F11R: variants seen among roughly 807,000 people sequenced by gnomAD.
The protein encoded by F11R is F11 receptor, also known as junctional adhesion molecule A.
F11R carries 27 observed loss-of-function variants against 39.3 expected under a neutral mutation model. That is an observed-to-expected ratio of 0.69 (90% CI 0.51 to 0.95). The LOEUF (loss-of-function observed/expected upper bound fraction) is 0.95. Among genes scored for constraint, F11R ranks in the 40% least tolerant of loss-of-function variants. The pLI, the probability that F11R is intolerant of heterozygous loss-of-function variation, is 0.00. For missense variants in F11R, 335 were observed against 372.7 expected (o/e 0.90, Z 0.83); for synonymous variants, 131 against 144.9 (o/e 0.90, Z 0.69).
In F11R at chr1:161,000,356, A is replaced by C; in HGVS notation, c.389-8T>G. 1 of 1,612,976 alleles carries C rather than the reference A, an allele frequency of 6.2e-7. No individual in the cohort carries two copies. Among genetic ancestry groups the C allele is most frequent in the Non-Finnish European group, 8.5e-7 (1 of 1,179,798 alleles). On this transcript the variant is annotated splice_region_variant and splice_polypyrimidine_tract_variant and intron_variant, in intron 4 of 9. Transcript: ENST00000368026. The stretch of plus-strand genomic sequence containing the variant: ...TAGGCTTGGATGGAGGCACTGTGGA[A>C]GAGAAAGACAGAAGGTGCTGAGTAC...
Position 161,020,894 on chromosome 1 carries a change from A to C in F11R, c.64+116T>G. On this transcript the variant is annotated intron_variant, in intron 1 of 9. Coordinates refer to ENST00000368026, the MANE Select transcript of F11R (RefSeq NM_016946.6). Reference sequence around the variant, plus strand: ...CAGGGGTGGAAAAGATAATTCGCAGAACGATATAGGAAGGTTTCTGAGCTC... The same window carrying C: ...CAGGGGTGGAAAAGATAATTCGCAGCACGATATAGGAAGGTTTCTGAGCTC... The C allele has an allele frequency of 3.3e-6, 3 of 896,876 alleles. No individual in the cohort carries two copies. The Admixed American group carries it at 5.7e-5, about 17-fold the overall frequency. The allele number at this position is 896,876 out of a possible 1,614,324, so 55.6% of individuals were successfully genotyped here.
At chr1:161,016,656 CAA>C (rs773532935) in intron 1 of F11R, among the ~76,000 whole-genome samples, 2 of 129,986 alleles carry the variant, frequency 1.5e-5, no homozygotes, top group African/African-American at 2.9e-5. Flanking sequence ...GACTCCGTCT[CAA>C]AAAAAAAAAA....
chr1:161,001,261 C>A, intron 2 of F11R, 24 bp downstream of exon 2: 2 of 1,613,082 alleles, frequency 1.2e-6, no homozygotes, highest in Non-Finnish European at 1.7e-6. Context: ...ACCCTCACAC[C>A]CTCCATGGCC....
intron 1 of F11R, among the ~76,000 whole-genome samples, chr1:161,016,430 C>T (rs1649469493): frequency 1.3e-5 from 2 of 151,728 alleles, no homozygotes; most frequent in Non-Finnish European, 2.9e-5. Flanking sequence ...GAGCCGAGAT[C>T]GTGCCACTGT....
In F11R at chr1:161,015,254, C is replaced by T. The variant is rs570784178; in HGVS notation, c.64+5756G>A. On this transcript the variant is annotated intron_variant, in intron 1 of 9. Coordinates refer to ENST00000368026, the MANE Select transcript of F11R (RefSeq NM_016946.6). ...TACTAAAAAAAATACAAAAAATCAG[C>T]CGGAGTGGTGGCGGGCCCCTGTAGT... Among the ~76,000 whole-genome samples the T allele has an allele frequency of 1.4e-4, 19 of 133,404 alleles. No individual in the cohort carries two copies. In the East Asian group the frequency reaches 4.4e-3, roughly 31 times the overall value. 87.5% of individuals were successfully genotyped at this position (133,404 alleles called of 152,430 possible).
intron 9 of F11R, 32 bp downstream of exon 9, chr1:160,999,011 G>T (rs1648300553): frequency 1.2e-6 from 2 of 1,613,936 alleles, no homozygotes; most frequent in Admixed American, 3.3e-5. Flanking sequence ...AGCCCCAGGT[G>T]GCCCACCCCT....
chr1:160,999,075 CCTT>C lies in F11R; in HGVS notation c.829_831del (p.Lys277del), dbSNP rs1648305726. Reference sequence around the variant, plus strand: ...CGGGCACTAGGCTGGCTGTAAATCACCTTCTTACTCGAAGTCCTGTGAACAAGC... The same window carrying C: ...CGGGCACTAGGCTGGCTGTAAATCACCTTACTCGAAGTCCTGTGAACAAGC... On this transcript the variant is annotated inframe_deletion, in exon 9 of 10. Transcript: ENST00000368026. The C allele has an allele frequency of 1.2e-6, 2 of 1,614,228 alleles. No homozygotes were observed. Among genetic ancestry groups the C allele is most frequent in the African/African-American group, 1.3e-5 (1 of 75,052 alleles).
At chr1:161,017,508 T>A (rs1222456406) in intron 1 of F11R, among the ~76,000 whole-genome samples, 1 of 152,218 alleles carries the variant, frequency 6.6e-6, no homozygotes, top group Non-Finnish European at 1.5e-5. Flanking sequence ...GCACAGCACT[T>A]GATTCTTTAC....
At chr1:161,006,147 A>AG (rs538237497) in intron 1 of F11R, among the ~76,000 whole-genome samples, 150 of 148,398 alleles carry the variant, frequency 1.0e-3, no homozygotes, top group South Asian at 6.7e-3. Context: ...CAAAAAAAAA[A>AG]GGGGGGGGGC....
At chr1:161,016,940 G>A (rs1649494008) in intron 1 of F11R, among the ~76,000 whole-genome samples, 2 of 152,204 alleles carry the variant, frequency 1.3e-5, no homozygotes, top group Admixed American at 1.3e-4. Context: ...CTTCTGCCTT[G>A]GGATGCTGTT....
At chr1:161,003,559 G>A (rs1308320231) in intron 1 of F11R, among the ~76,000 whole-genome samples, 2 of 151,826 alleles carry the variant, frequency 1.3e-5, no homozygotes, top group Non-Finnish European at 2.9e-5. Flanking sequence ...CACGGCGACC[G>A]GCCTAATTTT....
At chr1:161,002,836 G>A (rs1392609435) in intron 1 of F11R, among the ~76,000 whole-genome samples, 2 of 151,656 alleles carry the variant, frequency 1.3e-5, no homozygotes, top group Non-Finnish European at 2.9e-5. Context: ...ATTTCAATCT[G>A]ATATAATAAC....
intron 3 of F11R, 113 bp from the exon 4 acceptor site, chr1:161,000,890 G>C: frequency 6.7e-7 from 1 of 1,489,188 alleles, no homozygotes; most frequent in Non-Finnish European, 9.3e-7. Flanking sequence ...AGAAAGGGGG[G>C]TAGGAAGGCC....
chr1:161,015,168 A>G (rs2101988246), intron 1 of F11R, among the ~76,000 whole-genome samples: 1 of 151,650 alleles, frequency 6.6e-6, no homozygotes, highest in Non-Finnish European at 1.5e-5. Context: ...AGGCCGAGGC[A>G]GGCAGATCAC....
intron 7 of F11R, 105 bp downstream of exon 7, chr1:160,999,535 C>A: frequency 6.6e-7 from 1 of 1,511,174 alleles, no homozygotes; most frequent in Non-Finnish European, 9.2e-7. Flanking sequence ...GGGGACAACA[C>A]CCACACACAT....
chr1:161,020,222 A>G (rs1344795831), intron 1 of F11R, among the ~76,000 whole-genome samples: 1 of 152,174 alleles, frequency 6.6e-6, no homozygotes, highest in African/African-American at 2.4e-5. Context: ...GGGAGTTTAC[A>G]AAGGAAACAA....
intron 1 of F11R, among the ~76,000 whole-genome samples, chr1:161,008,668 T>C (rs1172646727): frequency 6.6e-6 from 1 of 152,206 alleles, no homozygotes. Context: ...ATCACCCATA[T>C]TTACATGGGG....
intron 1 of F11R, among the ~76,000 whole-genome samples, chr1:161,009,290 C>T (rs1341168493): frequency 1.3e-5 from 2 of 152,106 alleles, no homozygotes; most frequent in Non-Finnish European, 2.9e-5. Context: ...ATTATAATGA[C>T]ATCATCTGTG....
chr1:160,998,886 C>T lies in F11R; in HGVS notation c.885G>A (p.Ser295=), dbSNP rs149044377. The change falls in exon 10 of 10, where the codon TCG becomes TCA. Residue 295 remains serine (S), a synonymous_variant. Coordinates refer to ENST00000368026, the MANE Select transcript of F11R (RefSeq NM_016946.6). ...CCGACCAGGCTCACACCAGGAATGA[C>T]GAGGTCTGTTTGAATTCTCCCTGCA... ...ARSEGEFKQT[S]SFLV 638 of 1,614,158 alleles carry T rather than the reference C, an allele frequency of 4.0e-4. 2 individuals are homozygous for T. The highest frequency in any genetic ancestry group is 3.1e-3 in the Middle Eastern group (19 of 6,062).
Sources: gnomAD v4.1 joint callset for allele counts (sites outside exome capture counted in the v4.1 genomes callset) on GRCh38, gnomAD v4.1.1 for gene constraint, MANE v1.5 for transcripts, NCBI Gene and HGNC (gene_info 2026-07-23, HGNC 2026-07-21) for gene names.